The following VPS53 variants were observed in gnomAD, a reference collection of about 807,000 sequenced individuals.
VPS53 encodes vacuolar protein sorting-associated protein 53 homolog.
Under a neutral mutation model 107.0 loss-of-function variants are expected in VPS53, and 70 were observed. The ratio of observed to expected loss-of-function variants is 0.65; its 90% CI spans 0.54 to 0.80. The LOEUF (loss-of-function observed/expected upper bound fraction) is 0.80, where lower values mean the gene tolerates loss of function less well. Among genes scored for constraint, VPS53 ranks in the 30% least tolerant of loss-of-function variants. The pLI is 0.00. For missense variants in VPS53, 917 were observed against 1,049.4 expected (o/e 0.87, Z 1.74); for synonymous variants, 409 against 393.3 (o/e 1.04, Z -0.47).
chr17:603,959 C>A (rs1413579747), intron 11 of VPS53, among the ~76,000 whole-genome samples: 2 of 152,186 alleles, frequency 1.3e-5, no homozygotes, highest in African/African-American at 4.8e-5. Context: ...TGCTGTTGAG[C>A]TGAGTCACTA....
chr17:673,635 G>C (rs1651976384), intron 4 of VPS53: 1 of 152,246 alleles, frequency 6.6e-6, no homozygotes, highest in Non-Finnish European at 1.5e-5. Context: ...ATGCCAGATG[G>C]CGCCCATCAG....
intron 4 of VPS53, among the ~76,000 whole-genome samples, chr17:679,520 C>A (rs545086594): frequency 4.4e-4 from 66 of 151,608 alleles, no homozygotes; most frequent in African/African-American, 1.4e-3. Context: ...TCTCAAAAAA[C>A]CAAAACAAAA....
At chr17:554,293 C>A (rs558732353) in intron 15 of VPS53, among the ~76,000 whole-genome samples, 2 of 152,306 alleles carry the variant, frequency 1.3e-5, no homozygotes, top group East Asian at 1.9e-4. Flanking sequence ...ACGCTCCTGG[C>A]GCTCAAAGAA....
chr17:574,984 G>C (rs1914477483), intron 13 of VPS53, among the ~76,000 whole-genome samples: 1 of 152,190 alleles, frequency 6.6e-6, no homozygotes, highest in Non-Finnish European at 1.5e-5. Flanking sequence ...TAGAAGACAG[G>C]GTGCTCTCAA....
intron 18 of VPS53, among the ~76,000 whole-genome samples, chr17:534,778 C>T (rs367589712): frequency 2.6e-5 from 4 of 151,998 alleles, no homozygotes; most frequent in African/African-American, 9.7e-5. Flanking sequence ...ATGAGCTAGG[C>T]CGGGTGGCGA....
chr17:562,856 C>A, intron 13 of VPS53, 111 bp from the exon 14 acceptor site: 1 of 1,243,380 alleles, frequency 8.0e-7, no homozygotes, highest in Non-Finnish European at 1.1e-6. Context: ...ATTCCTACTG[C>A]ATTTAAAACT....
At chr17:684,734 C>T (rs1306453274) in intron 4 of VPS53, among the ~76,000 whole-genome samples, 4 of 152,112 alleles carry the variant, frequency 2.6e-5, no homozygotes, top group Admixed American at 6.5e-5. Context: ...CACCTGTAAT[C>T]CCAGCATTTT....
intron 7 of VPS53, among the ~76,000 whole-genome samples, chr17:639,866 C>T (rs1970353629): frequency 6.6e-6 from 1 of 152,230 alleles, no homozygotes; most frequent in South Asian, 2.1e-4. Context: ...CTTGAGGAGG[C>T]AGTCTGTCCA....
intron 12 of VPS53, among the ~76,000 whole-genome samples, chr17:595,177 T>TC (rs1184965849): frequency 1.0e-5 from 1 of 96,712 alleles, no homozygotes. Context: ...CACTCTAGTG[T>TC]CCCCCTGGAG....
intron 17 of VPS53, among the ~76,000 whole-genome samples, chr17:540,122 G>A (rs902495663): frequency 7.4e-6 from 1 of 134,470 alleles, no homozygotes; most frequent in East Asian, 2.2e-4. Context: ...CTAGGCCTTC[G>A]TTAAAGGTAA....
At chr17:701,385 A>G (rs549391496) in intron 2 of VPS53, among the ~76,000 whole-genome samples, 2 of 151,904 alleles carry the variant, frequency 1.3e-5, no homozygotes, top group East Asian at 1.9e-4. Flanking sequence ...ATATATACAT[A>G]TATTTTTGTG....
At chr17:542,808 GT>G (rs1910803455) in intron 17 of VPS53, among the ~76,000 whole-genome samples, 1 of 151,842 alleles carries the variant, frequency 6.6e-6, no homozygotes, top group African/African-American at 2.4e-5. Context: ...GTGAAACCCC[GT>G]CTCTACCAAA....
rs1175036972 is a variant in VPS53 at position 628,151 on chromosome 17, G to T, written c.768C>A (p.Ile256=). 6.2e-7 allele frequency: 1 copy of T among 1,613,860 alleles called. No individual in the cohort carries two copies. Among genetic ancestry groups the T allele is most frequent in the South Asian group, 1.1e-5 (1 of 90,994 alleles). The part of the protein sequence containing the change: ...NILDPRIKQE[I]IKKFIKQHLS... The stretch of plus-strand genomic sequence containing the variant: ...GATGCTGTTTAATAAACTTTTTGAT[G>T]ATTTCCTGTTTGATCCTGGGATCTA... The change falls in exon 9 of 22, where the codon ATC becomes ATA. Residue 256 remains isoleucine (I), a synonymous_variant. Transcript: ENST00000437048.
At chr17:562,389 C>T in intron 14 of VPS53, 114 bp downstream of exon 14, 2 of 1,447,192 alleles carry the variant, frequency 1.4e-6, no homozygotes, top group Non-Finnish European at 1.9e-6. Context: ...AGGAAGCGTG[C>T]TTTCCTCCTT....
At chr17:709,830 T>A (rs890750496) in intron 2 of VPS53, among the ~76,000 whole-genome samples, 1 of 151,994 alleles carries the variant, frequency 6.6e-6, no homozygotes, top group African/African-American at 2.4e-5. Context: ...GGACAAAAAA[T>A]AATAAAACGT....
chr17:695,304 T>C (rs958591216), intron 4 of VPS53, among the ~76,000 whole-genome samples: 1 of 152,172 alleles, frequency 6.6e-6, no homozygotes, highest in African/African-American at 2.4e-5. Context: ...TGTATTCAGA[T>C]AAGGTCCATG....
At chr17:683,981 G>A (rs555455124) in intron 4 of VPS53, among the ~76,000 whole-genome samples, 24 of 152,338 alleles carry the variant, frequency 1.6e-4, no homozygotes, top group Non-Finnish European at 2.9e-4. Flanking sequence ...AGAGTGGAAT[G>A]CAGAGAGGAT....
intron 11 of VPS53, among the ~76,000 whole-genome samples, chr17:602,361 C>T (rs1968368196): frequency 6.6e-6 from 1 of 152,222 alleles, no homozygotes; most frequent in Non-Finnish European, 1.5e-5. Flanking sequence ...TAGCATGTAG[C>T]AGGTCCTCAG....
rs547514011 is a variant in VPS53, at chr17:628,166, C to T, written c.753G>A (p.Arg251=). ...ACTTTTTGATGATTTCCTGTTTGAT[C>T]CTGGGATCTAGAATATTAGCAACCA... The part of the protein sequence containing the change: ...ACLVANILDP[R]IKQEIIKKFI... The change falls in exon 9 of 22, where the codon AGG becomes AGA. Residue 251 remains arginine (R), a synonymous_variant. Coordinates refer to ENST00000437048, the MANE Select transcript of VPS53 (RefSeq NM_001128159.3). The T allele has an allele frequency of 3.7e-6, 6 of 1,613,908 alleles. No individual in the cohort carries two copies. Among genetic ancestry groups the T allele is most frequent in the Non-Finnish European group, 5.1e-6 (6 of 1,179,948 alleles).
Sources: gnomAD v4.1 joint callset for allele counts (sites outside exome capture counted in the v4.1 genomes callset) on GRCh38, gnomAD v4.1.1 for gene constraint, MANE v1.5 for transcripts, NCBI Gene and HGNC (gene_info 2026-07-23, HGNC 2026-07-21) for gene names.